Variants in LARGE1 observed in about 807,000 individuals in gnomAD.
LARGE1 encodes LARGE xylosyl- and glucuronyltransferase 1.
Under a neutral mutation model 87.6 loss-of-function variants are expected in LARGE1, and 43 were observed. The observed-to-expected ratio is 0.49, with a 90% CI of 0.38 to 0.63. The LOEUF (loss-of-function observed/expected upper bound fraction) is 0.63, where lower values mean the gene tolerates loss of function less well. Ranked by LOEUF, LARGE1 falls within the 30% of genes least tolerant of loss-of-function variation. The pLI, the probability that LARGE1 is intolerant of heterozygous loss-of-function variation, is 0.00. For missense variants in LARGE1, 802 were observed against 1,000.2 expected (o/e 0.80, Z 2.67); for synonymous variants, 434 against 394.6 (o/e 1.10, Z -1.18).
chr22:33,212,624 C>T (rs1925015979), intron 11 of LARGE1, among the ~76,000 whole-genome samples: 2 of 152,164 alleles, frequency 1.3e-5, no homozygotes, highest in African/African-American at 2.4e-5. Flanking sequence ...AAATACATTT[C>T]ATAAGGCTAT....
At chr22:33,066,962 C>T in the LARGE1 span, among the ~76,000 whole-genome samples, 5 of 152,052 alleles carry the variant, frequency 3.3e-5, no homozygotes, top group Non-Finnish European at 2.9e-5. Flanking sequence ...TCCTTTGTGT[C>T]GAGCAGAACA....
intron 1 of LARGE1, among the ~76,000 whole-genome samples, chr22:33,832,709 G>C (rs2063006295): frequency 6.6e-6 from 1 of 152,214 alleles, no homozygotes; most frequent in Non-Finnish European, 1.5e-5. Flanking sequence ...CCAGCAAAAA[G>C]ATATCTTCCC....
chr22:33,542,162 C>CAAAAA (rs150998193), intron 6 of LARGE1, among the ~76,000 whole-genome samples: 2 of 92,690 alleles, frequency 2.2e-5, no homozygotes, highest in Non-Finnish European at 4.1e-5. Context: ...AACTCTGTCT[C>CAAAAA]AAAAAAAAAA....
At chr22:33,618,480 G>C (rs1029631889) in intron 4 of LARGE1, among the ~76,000 whole-genome samples, 3 of 152,202 alleles carry the variant, frequency 2.0e-5, no homozygotes, top group African/African-American at 7.2e-5. Flanking sequence ...AATAGCCCAT[G>C]TGAAGCTTAA....
intron 2 of LARGE1, among the ~76,000 whole-genome samples, chr22:33,670,211 TAC>T (rs1224262003): frequency 6.6e-6 from 1 of 152,044 alleles, no homozygotes. Context: ...GCAGTGTCAC[TAC>T]AGAGTCCCTT....
At position 33,860,581 on chromosome 22, in the gene LARGE1, G is replaced by A. The variant is rs368200592; in HGVS notation, c.-83+59414C>T. The stretch of plus-strand genomic sequence containing the variant: ...GCAGCAAGCATGGCCTGAGGAAAGC[G>A]ACCCAGCCTCTCTGACACTCAGCGT... On this transcript the variant is annotated intron_variant, in intron 1 of 14. Coordinates refer to ENST00000397394, the MANE Select transcript of LARGE1 (RefSeq NM_133642.5). Among the ~76,000 whole-genome samples, 20 of 152,260 alleles carry A rather than the reference G, an allele frequency of 1.3e-4. No homozygotes were observed. In the East Asian group the frequency reaches 2.3e-3, roughly 18 times the overall value.
chr22:33,407,981 C>CT (rs35056659), intron 7 of LARGE1, among the ~76,000 whole-genome samples: 25,506 of 139,556 alleles, frequency 0.18, 2,402 homozygotes, highest in South Asian at 0.26. Context: ...GGAAGATAAA[C>CT]TTTTTTTTTT....
Position 33,781,888 on chromosome 22 carries a change from AAG to A in LARGE1, c.-82-20332_-82-20331del, listed in dbSNP as rs1353539499. On this transcript the variant is annotated intron_variant, in intron 1 of 14. Coordinates refer to ENST00000397394, the MANE Select transcript of LARGE1 (RefSeq NM_133642.5). ...AGCTCCGTGGATAACAGAAAGCAGC[AAG>A]AGACTGAAAGAACCAGCACATGGTA... Among the ~76,000 whole-genome samples, 5 of 152,204 alleles carry A rather than the reference AAG, an allele frequency of 3.3e-5. No homozygotes were observed. The East Asian group carries it at 9.6e-4, about 29-fold the overall frequency.
intron 2 of LARGE1, among the ~76,000 whole-genome samples, chr22:33,689,582 G>A (rs1002413086): frequency 7.2e-5 from 11 of 152,128 alleles, no homozygotes; most frequent in African/African-American, 2.2e-4. Flanking sequence ...ACAGAAAGAA[G>A]AAGAGATAGG....
chr22:33,557,120 G>A (rs568516629), intron 6 of LARGE1, among the ~76,000 whole-genome samples: 28 of 152,222 alleles, frequency 1.8e-4, no homozygotes, highest in African/African-American at 6.3e-4. Flanking sequence ...CCTATGGGGC[G>A]GTTATTAATG....
chr22:33,753,023 C>T (rs2084379616), intron 2 of LARGE1, among the ~76,000 whole-genome samples: 1 of 152,120 alleles, frequency 6.6e-6, no homozygotes, highest in Non-Finnish European at 1.5e-5. Context: ...AGATTGAGAC[C>T]ATCCTGGCCA....
chr22:33,612,250 C>G (rs191363527), intron 4 of LARGE1, among the ~76,000 whole-genome samples: 115 of 152,198 alleles, frequency 7.6e-4, no homozygotes, highest in Non-Finnish European at 1.4e-3. Context: ...AATACAGACA[C>G]CCACCACCAT....
chr22:33,796,810 T>C (rs371781632), intron 1 of LARGE1, among the ~76,000 whole-genome samples: 29 of 142,992 alleles, frequency 2.0e-4, no homozygotes, highest in African/African-American at 7.4e-4. Flanking sequence ...GGGATGTCGC[T>C]CCGTCTCCTA....
chr22:33,858,765 A>G (rs2063829137), intron 1 of LARGE1, among the ~76,000 whole-genome samples: 1 of 152,222 alleles, frequency 6.6e-6, no homozygotes, highest in African/African-American at 2.4e-5. Context: ...TTGCAGCACT[A>G]TTCACAATAG....
chr22:33,486,023 G>C (rs1226230753), intron 6 of LARGE1, among the ~76,000 whole-genome samples: 1 of 152,306 alleles, frequency 6.6e-6, no homozygotes, highest in Middle Eastern at 3.4e-3. Context: ...ATAACTCTTA[G>C]AGACAAGGAC....
At chr22:33,566,943 A>G (rs2078045833) in intron 5 of LARGE1, among the ~76,000 whole-genome samples, 1 of 152,156 alleles carries the variant, frequency 6.6e-6, no homozygotes, top group African/African-American at 2.4e-5. Flanking sequence ...ATCAATTTCA[A>G]AAAAAGCATC....
chr22:33,077,114 G>A, the LARGE1 span, among the ~76,000 whole-genome samples: 1 of 152,136 alleles, frequency 6.6e-6, no homozygotes, highest in Non-Finnish European at 1.5e-5. Flanking sequence ...AACAGTGTAA[G>A]TGCTATGTAT....
At chr22:33,365,766 G>A (rs561660990) in intron 9 of LARGE1, among the ~76,000 whole-genome samples, 14 of 152,102 alleles carry the variant, frequency 9.2e-5, no homozygotes, top group South Asian at 6.2e-4. Flanking sequence ...ACAGGCATGC[G>A]CCACCACGTC....
intron 8 of LARGE1, 73 bp from the exon 9 acceptor site, chr22:33,382,117 C>G (rs1347990140): frequency 1.9e-6 from 3 of 1,593,514 alleles, no homozygotes; most frequent in South Asian, 2.3e-5. Context: ...TCTCAAGGCA[C>G]TGCATCCCCT....
Sources: gnomAD v4.1 joint callset for allele counts (sites outside exome capture counted in the v4.1 genomes callset) on GRCh38, gnomAD v4.1.1 for gene constraint, MANE v1.5 for transcripts, NCBI Gene and HGNC (gene_info 2026-07-23, HGNC 2026-07-21) for gene names.